The following SLC25A27 variants were observed in gnomAD, a reference collection of about 807,000 sequenced individuals.
SLC25A27 encodes the protein mitochondrial uncoupling protein 4.
Under a neutral mutation model 49.1 loss-of-function variants are expected in SLC25A27, and 35 were observed. That is an observed-to-expected ratio of 0.71 (90% CI 0.54 to 0.95). The LOEUF is 0.95. SLC25A27 is among the 40% of genes least tolerant of loss of function. The probability of loss-of-function intolerance (pLI) is 0.00; values close to 1 mark genes in which losing one functional copy is unlikely to be tolerated. For synonymous variants in SLC25A27, 144 were observed against 136.9 expected (o/e 1.05, Z -0.36); for missense variants, 339 against 397.1 (o/e 0.85, Z 1.24).
At chr6:46,669,000 A>T (rs978614179) in intron 6 of SLC25A27, among the ~76,000 whole-genome samples, 2 of 152,076 alleles carry the variant, frequency 1.3e-5, no homozygotes, top group Non-Finnish European at 2.9e-5. Context: ...TTTGGATTAA[A>T]CCTCTCAAAA....
chr6:46,663,435 T>A (rs1763228624), intron 4 of SLC25A27, among the ~76,000 whole-genome samples: 1 of 152,086 alleles, frequency 6.6e-6, no homozygotes, highest in South Asian at 2.1e-4. Context: ...ATGTAGAGAA[T>A]ATGCACAGCA....
rs532291959 is a variant in SLC25A27, at chr6:46,658,086, C to T, written c.299-876C>T. 1.2e-4 allele frequency among the ~76,000 whole-genome samples: 19 copies of T among 152,294 alleles called. No individual in the cohort carries two copies. The South Asian group carries it at 2.5e-3, about 20-fold the overall frequency. On this transcript the variant is annotated intron_variant, in intron 2 of 8. Coordinates refer to ENST00000371347, the MANE Select transcript of SLC25A27 (RefSeq NM_004277.5). ...ATGTTTCCTGAAGCATGAAAGGATC[C>T]TTGATCAGAAGAGTGCTCAGTTCTA...
intron 5 of SLC25A27, 146 bp downstream of exon 5, chr6:46,665,032 A>C: frequency 4.4e-6 from 2 of 455,862 alleles, no homozygotes; most frequent in Non-Finnish European, 3.9e-6. Flanking sequence ...GTTCTAGGTC[A>C]TAACTGAATA....
rs376123978 is a variant in SLC25A27 at position 46,655,810 on chromosome 6, G to T, written c.107-33G>T. 3 of 1,584,888 alleles carry T rather than the reference G, an allele frequency of 1.9e-6. No homozygotes were observed. The Admixed American group carries it at 5.3e-5, about 28-fold the overall frequency. Reference sequence around the variant, plus strand: ...ATTTTTGTTTGTTTCTCTGAATGTTGTGGGTTTTTCCCTGCATTTGTGTTT... The same window carrying T: ...ATTTTTGTTTGTTTCTCTGAATGTTTTGGGTTTTTCCCTGCATTTGTGTTT... On this transcript the variant is annotated intron_variant, in intron 1 of 8. Coordinates refer to ENST00000371347, the MANE Select transcript of SLC25A27 (RefSeq NM_004277.5).
At chr6:46,670,939 C>T (rs942157029) in intron 7 of SLC25A27, among the ~76,000 whole-genome samples, 187 bp from the exon 8 acceptor site, 13 of 152,236 alleles carry the variant, frequency 8.5e-5, no homozygotes, top group Non-Finnish European at 1.9e-4. Flanking sequence ...ACCGTGTTAG[C>T]CAGGATGACC....
intron 5 of SLC25A27, among the ~76,000 whole-genome samples, chr6:46,665,440 C>CT (rs1311646430): frequency 1.3e-5 from 2 of 152,066 alleles, no homozygotes; most frequent in African/African-American, 2.4e-5. Flanking sequence ...AATCCCAGGA[C>CT]TTTGGGAGGC....
intron 3 of SLC25A27, among the ~76,000 whole-genome samples, 176 bp from the exon 4 acceptor site, chr6:46,662,200 C>G (rs1335691789): frequency 6.6e-6 from 1 of 152,140 alleles, no homozygotes; most frequent in East Asian, 1.9e-4. Flanking sequence ...ACTCCTTTAA[C>G]CTCCCATCAG....
At chr6:46,664,682 C>A in intron 4 of SLC25A27, 92 bp from the exon 5 acceptor site, 2 of 531,844 alleles carry the variant, frequency 3.8e-6, no homozygotes, top group South Asian at 4.6e-5. Context: ...TTATTTACTC[C>A]AGATTATAAG....
intron 2 of SLC25A27, among the ~76,000 whole-genome samples, chr6:46,658,268 T>A (rs537560880): frequency 2.0e-5 from 3 of 152,268 alleles, no homozygotes; most frequent in Admixed American, 6.5e-5. Context: ...TTTCATCAAC[T>A]TTCTAAAACA....
At position 46,666,557 on chromosome 6, in the gene SLC25A27, A is replaced by C. The variant is rs572247760; in HGVS notation, c.619+1671A>C. Among the ~76,000 whole-genome samples the C allele has an allele frequency of 4.6e-5, 7 of 152,244 alleles. No homozygotes were observed. The East Asian group carries it at 5.8e-4, about 13-fold the overall frequency. Reference sequence around the variant, plus strand: ...GTCTGTGTCTACTGTATATTTGTGGATATTTTGATTTTCAGAAAATCTTTA... The same window carrying C: ...GTCTGTGTCTACTGTATATTTGTGGCTATTTTGATTTTCAGAAAATCTTTA... On this transcript the variant is annotated intron_variant, in intron 5 of 8. Coordinates refer to ENST00000371347, the MANE Select transcript of SLC25A27 (RefSeq NM_004277.5).
intron 5 of SLC25A27, among the ~76,000 whole-genome samples, chr6:46,668,287 G>A (rs911226056): frequency 3.3e-5 from 5 of 152,168 alleles, no homozygotes; most frequent in African/African-American, 9.7e-5. Flanking sequence ...GCAGTGAGCC[G>A]CGATCACGCC....
At chr6:46,654,317 ATCAGTTGT>A in intron 1 of SLC25A27, among the ~76,000 whole-genome samples, 1 of 152,310 alleles carries the variant, frequency 6.6e-6, no homozygotes, top group Non-Finnish European at 1.5e-5. Context: ...GCCAGCCATG[ATCAGTTGT>A]TTCGTGCTCT....
chr6:46,666,297 C>T lies in SLC25A27; in HGVS notation c.619+1411C>T, dbSNP rs1235513235. On this transcript the variant is annotated intron_variant, in intron 5 of 8. Transcript: ENST00000371347. ...TTGCCTGCTACTGCATGTCCATATC[C>T]TCCACTATATTATAAACCCTTTGAA... Among the ~76,000 whole-genome samples the T allele has an allele frequency of 3.3e-5, 5 of 152,296 alleles. No individual in the cohort carries two copies. In the East Asian group the frequency reaches 9.6e-4, roughly 29 times the overall value.
intron 5 of SLC25A27, among the ~76,000 whole-genome samples, chr6:46,668,337 A>T (rs767424452): frequency 2.0e-5 from 3 of 152,190 alleles, no homozygotes; most frequent in Non-Finnish European, 4.4e-5. Context: ...CTGTCTTGAA[A>T]ATGTATAAAA....
intron 8 of SLC25A27, among the ~76,000 whole-genome samples, chr6:46,672,036 T>A (rs1372323130): frequency 2.0e-5 from 3 of 152,080 alleles, no homozygotes; most frequent in Non-Finnish European, 4.4e-5. Flanking sequence ...AGGACTCAGC[T>A]TTGAATAAGA....
intron 3 of SLC25A27, among the ~76,000 whole-genome samples, chr6:46,660,687 T>C (rs1763134949): frequency 1.3e-5 from 2 of 152,172 alleles, no homozygotes; most frequent in Non-Finnish European, 2.9e-5. Context: ...AAGATGCCTA[T>C]AAAATCTTTC....
chr6:46,658,405 T>C, intron 2 of SLC25A27: 1 of 334,718 alleles, frequency 3.0e-6, no homozygotes, highest in Non-Finnish European at 5.9e-6. Context: ...TAGTTTGTTG[T>C]TCATTGTGTT....
At position 46,659,033 on chromosome 6, in the gene SLC25A27, C is replaced by A; in HGVS notation, c.370C>A (p.His124Asn). 1 of 1,610,188 alleles carries A rather than the reference C, an allele frequency of 6.2e-7. No homozygotes were observed. Among genetic ancestry groups the A allele is most frequent in the Non-Finnish European group, 8.5e-7 (1 of 1,177,288 alleles). Residue 124 changes from histidine (H) to asparagine (N), a missense_variant, in exon 3 of 9, where the codon CAT becomes AAT. By Grantham distance (68) the His-to-Asn change is moderately conservative. Transcript: ENST00000371347. The part of the protein sequence containing the change: ...EVVFGKSEDE[H>N]YPLWKSVIGG... ...TGTGTTTGGCAAAAGTGAAGATGAG[C>A]ATTATCCCCTTTGGTAAGTTTTGTT... is the stretch of plus-strand genomic sequence containing the variant.
In SLC25A27 at chr6:46,670,174, A is replaced by G; in HGVS notation, c.744A>G (p.Pro248=). 6.2e-7 allele frequency: 1 copy of G among 1,613,302 alleles called. No individual in the cohort carries two copies. The highest frequency in any genetic ancestry group is 8.5e-7 in the Non-Finnish European group (1 of 1,179,720). The change falls in exon 7 of 9, where the codon CCA becomes CCG. Residue 248 remains proline, a synonymous_variant. Transcript: ENST00000371347. The stretch of plus-strand genomic sequence containing the variant: ...TGGTAGCTTCTATTCTGGGAACACC[A>G]GCCGATGTCATCAAAAGCAGAATAA... ...SGLVASILGT[P]ADVIKSRIMN... is the part of the protein sequence containing the mutation.
Sources: gnomAD v4.1 joint callset for allele counts (sites outside exome capture counted in the v4.1 genomes callset) on GRCh38, gnomAD v4.1.1 for gene constraint, MANE v1.5 for transcripts, NCBI Gene and HGNC (gene_info 2026-07-23, HGNC 2026-07-21) for gene names.